Variants in CRYBG3 observed in about 807,000 individuals in gnomAD.
CRYBG3 encodes very large A-kinase anchor protein.
In CRYBG3, 127 loss-of-function variants were observed where a neutral mutation model predicts 244.2. The ratio of observed to expected loss-of-function variants is 0.52; its 90% confidence interval spans 0.45 to 0.60. The LOEUF is 0.60. CRYBG3 is among the 20% of genes least tolerant of loss of function. CRYBG3 has a pLI of 0.00. For missense variants in CRYBG3, 3,325 were observed against 3,442.5 expected (o/e 0.97, Z 0.85); for synonymous variants, 1,132 against 1,195.8 (o/e 0.95, Z 1.10).
rs148858829 is a variant in CRYBG3, at chr3:97,931,297, A to G, written c.8242-2397A>G. Among the ~76,000 whole-genome samples, 437 of 152,208 alleles carry G rather than the reference A, an allele frequency of 2.9e-3. 1 individual carries two copies. The highest frequency in any genetic ancestry group is 4.9e-3 in the Non-Finnish European group (332 of 67,976). On this transcript the variant is annotated intron_variant, in intron 17 of 21. Coordinates refer to ENST00000389622, the MANE Select transcript of CRYBG3 (RefSeq NM_153605.4). ...TATCTCAGTCACCCTCTCCCTCGAC[A>G]TGGAAAGAATTTGATGCCATGGGGC...
At chr3:97,849,306 C>T (rs546519005) in intron 2 of CRYBG3, among the ~76,000 whole-genome samples, 5 of 152,142 alleles carry the variant, frequency 3.3e-5, no homozygotes, top group Admixed American at 1.3e-4. Flanking sequence ...GTGATTTATT[C>T]TGGGTGAATA....
At position 97,850,215 on chromosome 3, in the gene CRYBG3, G is replaced by A. The variant is rs6799960; in HGVS notation, c.216+6954G>A. Among the ~76,000 whole-genome samples the A allele has an allele frequency of 6.6e-3, 1,004 of 152,036 alleles. 11 individuals are homozygous for A. Among genetic ancestry groups the A allele is most frequent in the African/African-American group, 0.023 (960 of 41,464 alleles). On this transcript the variant is annotated intron_variant, in intron 2 of 21. Coordinates refer to ENST00000389622, the MANE Select transcript of CRYBG3 (RefSeq NM_153605.4). ...CCCATTGAACTAAGGCCCATCAACG[G>A]CCCTTCCTTCATACGCATACCCATT...
At chr3:97,837,171 A>T (rs1003995929) in intron 1 of CRYBG3, 1 of 152,166 alleles carries the variant, frequency 6.6e-6, no homozygotes, top group Non-Finnish European at 1.5e-5. Context: ...TAAAGATCTC[A>T]TCTTGTTCTG....
At chr3:97,904,653 G>T (rs1026693751) in intron 15 of CRYBG3, among the ~76,000 whole-genome samples, 9 of 150,014 alleles carry the variant, frequency 6.0e-5, no homozygotes, top group Admixed American at 6.0e-4. Flanking sequence ...TTCTCATGCG[G>T]CTTTTCTTTT....
Position 97,822,269 on chromosome 3 carries a change from C to T in CRYBG3, c.63C>T (p.Pro21=). 6.5e-7 allele frequency: 1 copy of T among 1,530,626 alleles called. No individual in the cohort carries two copies. The highest frequency in any genetic ancestry group is 8.7e-7 in the Non-Finnish European group (1 of 1,144,648). 94.8% of individuals were successfully genotyped at this position (1,530,626 alleles called of 1,614,324 possible). A position where few individuals can be genotyped will look rare whatever the true frequency, so the allele number is the denominator to read the frequency against. ...ACAGCTTCTCCCGGTTCTTCGCTCC[C>T]CGAAGTCCTTCCCGGGACAAGGAAG... ...PWHSFSRFFA[P]RSPSRDKEEE... The change falls in exon 1 of 22, where the codon CCC becomes CCT. Residue 21 remains proline, a synonymous_variant. Coordinates refer to ENST00000389622, the MANE Select transcript of CRYBG3 (RefSeq NM_153605.4).
In CRYBG3 at chr3:97,877,428, C is replaced by T. The variant is rs2039393342; in HGVS notation, c.6234C>T (p.Tyr2078=). 6.2e-7 allele frequency: 1 copy of T among 1,613,986 alleles called. No homozygotes were observed. The change falls in exon 4 of 22, where the codon TAC becomes TAT. Residue 2078 remains tyrosine (Y), a synonymous_variant. Transcript: ENST00000389622. ...TCTTATCAGTGGAGGCCAAAAGGTA[C>T]AAAATTTATCCTTTAGCATTGTCTC... is the stretch of plus-strand genomic sequence containing the variant. The part of the protein sequence containing the change: ...EMFLSVEAKR[Y]KIYPLALSPI...
chr3:97,832,081 T>A (rs1197009617), intron 1 of CRYBG3, among the ~76,000 whole-genome samples: 2 of 152,118 alleles, frequency 1.3e-5, no homozygotes, highest in African/African-American at 4.8e-5. Context: ...AGGAAATAAT[T>A]GCTTGCTCGT....
chr3:97,854,913 C>T (rs2039042883), intron 2 of CRYBG3, among the ~76,000 whole-genome samples: 1 of 152,032 alleles, frequency 6.6e-6, no homozygotes, highest in Non-Finnish European at 1.5e-5. Context: ...GTAAGAGTGG[C>T]ATCCTTATCT....
chr3:97,822,480 C>T (rs2038516572), intron 1 of CRYBG3, 125 bp downstream of exon 1: 1 of 894,752 alleles, frequency 1.1e-6, no homozygotes, highest in African/African-American at 1.8e-5. Flanking sequence ...ACTTTCTGTT[C>T]TCCTTCCTCC....
At position 97,842,911 on chromosome 3, in the gene CRYBG3, A is replaced by C. The variant is rs561080180; in HGVS notation, c.150-284A>C. ...TGCCAGTGTTATGAAAGTAATACACAGGTGCTCTTTTGTTCAGATATATCA... is the reference window on the plus strand; with the variant it reads ...TGCCAGTGTTATGAAAGTAATACACCGGTGCTCTTTTGTTCAGATATATCA... On this transcript the variant is annotated intron_variant, in intron 1 of 21. Coordinates refer to ENST00000389622, the MANE Select transcript of CRYBG3 (RefSeq NM_153605.4). 7.2e-5 allele frequency among the ~76,000 whole-genome samples: 11 copies of C among 152,340 alleles called. No homozygotes were observed. The South Asian group carries it at 2.3e-3, about 32-fold the overall frequency.
In CRYBG3 at chr3:97,841,241, T is replaced by C. The variant is rs146798704; in HGVS notation, c.150-1954T>C. Among the ~76,000 whole-genome samples the C allele has an allele frequency of 1.7e-3, 250 of 150,322 alleles. 2 individuals are homozygous for C. The highest frequency in any genetic ancestry group is 2.6e-3 in the Non-Finnish European group (176 of 67,628). On this transcript the variant is annotated intron_variant, in intron 1 of 21. Coordinates refer to ENST00000389622, the MANE Select transcript of CRYBG3 (RefSeq NM_153605.4). ...ATGTATATGTATATATGTGTGTATA[T>C]ACATATATGTATATATGTGTATACA...
In CRYBG3 at chr3:97,871,997, A is replaced by G; in HGVS notation, c.803A>G (p.His268Arg). The change falls in exon 4 of 22, where the codon CAC becomes CGC. Residue 268 changes from histidine (H) to arginine (R), a missense_variant. By Grantham distance (29) the His-to-Arg change is conservative. Transcript: ENST00000389622. ...AGTTCTGACTCTAGTACAAACAGACACATTGACCCTGGAAGTGAGATTGAG... is the reference window on the plus strand; with the variant it reads ...AGTTCTGACTCTAGTACAAACAGACGCATTGACCCTGGAAGTGAGATTGAG... ...NESSDSSTNR[H>R]IDPGSEIEAG... 6.5e-7 allele frequency: 1 copy of G among 1,535,884 alleles called. No homozygotes were observed. Among genetic ancestry groups the G allele is most frequent in the Non-Finnish European group, 8.7e-7 (1 of 1,146,758 alleles).
At chr3:97,924,873 A>C (rs759041168) in intron 17 of CRYBG3, among the ~76,000 whole-genome samples, 1 of 152,138 alleles carries the variant, frequency 6.6e-6, no homozygotes, top group South Asian at 2.1e-4. Context: ...CACAGGTTCT[A>C]AGAATTAGGA....
chr3:97,881,159 T>G lies in CRYBG3; in HGVS notation c.7092T>G (p.Leu2364=). 1.2e-6 allele frequency: 2 copies of G among 1,612,560 alleles called. No individual in the cohort carries two copies. Among genetic ancestry groups the G allele is most frequent in the Non-Finnish European group, 1.7e-6 (2 of 1,179,138 alleles). The part of the protein sequence containing the change: ...GEKVLNRDWI[L]QNRRHPQRNF... ...AGGTGTTAAATCGTGACTGGATTCT[T>G]CAGAACAGAAGGCATCCACAAAGAA... The change falls in exon 7 of 22, where the codon CTT becomes CTG. Residue 2364 remains leucine (L), a synonymous_variant. Coordinates refer to ENST00000389622, the MANE Select transcript of CRYBG3 (RefSeq NM_153605.4).
At chr3:97,823,648 A>G (rs903527088) in intron 1 of CRYBG3, among the ~76,000 whole-genome samples, 3 of 152,240 alleles carry the variant, frequency 2.0e-5, no homozygotes, top group Non-Finnish European at 4.4e-5. Flanking sequence ...CCAGGGTGTC[A>G]GCTAGTTCTG....
chr3:97,832,430 C>CT (rs1370615922), intron 1 of CRYBG3, among the ~76,000 whole-genome samples: 1 of 152,134 alleles, frequency 6.6e-6, no homozygotes, highest in Admixed American at 6.5e-5. Flanking sequence ...CTACAACCAT[C>CT]TGATCATTCA....
In CRYBG3 at chr3:97,822,368, G is replaced by A; in HGVS notation, c.149+13G>A. The stretch of plus-strand genomic sequence containing the variant: ...GGTCCGCTGCCAGGTGGGAGTCGAG[G>A]AGGGGGTCGCGGGGGGGCCCTGCAC... On this transcript the variant is annotated intron_variant, in intron 1 of 21. Coordinates refer to ENST00000389622, the MANE Select transcript of CRYBG3 (RefSeq NM_153605.4). 6.7e-7 allele frequency: 1 copy of A among 1,496,416 alleles called. No individual in the cohort carries two copies. Among genetic ancestry groups the A allele is most frequent in the Non-Finnish European group, 8.9e-7 (1 of 1,126,282 alleles). The allele number at this position is 1,496,416 out of a possible 1,614,324, so 92.7% of individuals were successfully genotyped here.
At chr3:97,880,130 A>G (rs1406496596) in intron 6 of CRYBG3, 30 bp downstream of exon 6, 1 of 1,123,754 alleles carries the variant, frequency 8.9e-7, no homozygotes, top group Non-Finnish European at 1.3e-6. Flanking sequence ...TTTATAGCAT[A>G]TTTTCTTAAA....
At chr3:97,893,721 A>G (rs988852129) in intron 11 of CRYBG3, among the ~76,000 whole-genome samples, 3 of 152,170 alleles carry the variant, frequency 2.0e-5, no homozygotes, top group Non-Finnish European at 4.4e-5. Flanking sequence ...TTATTTTGGA[A>G]CGTTAGTTTG....
Sources: allele counts gnomAD v4.1 joint callset (sites outside exome capture counted in the v4.1 genomes callset), GRCh38; gene constraint gnomAD v4.1.1; transcripts MANE v1.5; gene names NCBI Gene and HGNC (gene_info 2026-07-23, HGNC 2026-07-21).